The following LAMA1 variants were observed in gnomAD, a reference collection of about 807,000 sequenced individuals.
LAMA1 encodes laminin subunit alpha 1, also known as laminin subunit alpha-1.
Under a neutral mutation model 348.7 loss-of-function variants are expected in LAMA1, and 219 were observed. That is an observed-to-expected ratio of 0.63 (90% CI 0.56 to 0.70). LAMA1 has a LOEUF of 0.70. Ranked by LOEUF, LAMA1 falls within the 30% of genes least tolerant of loss-of-function variation. The probability of loss-of-function intolerance (pLI) is 0.00; values close to 1 mark genes in which losing one functional copy is unlikely to be tolerated. For missense variants in LAMA1, 3,744 were observed against 3,888.0 expected, an observed-to-expected ratio of 0.96 and a Z score of 0.99; for synonymous variants, 1,487 against 1,491.0, an observed-to-expected ratio of 1.00 and a Z score of 0.06.
intron 9 of LAMA1, among the ~76,000 whole-genome samples, chr18:7,041,064 T>C (rs1436695592): frequency 6.6e-6 from 1 of 152,286 alleles, no homozygotes; most frequent in Non-Finnish European, 1.5e-5. Context: ...GACTCTTAGA[T>C]TGTGGTGATG....
chr18:7,104,160 G>GT (rs2058302604), intron 1 of LAMA1, among the ~76,000 whole-genome samples: 1 of 151,942 alleles, frequency 6.6e-6, no homozygotes, highest in African/African-American at 2.4e-5. Context: ...TGTAATTTTA[G>GT]TAGAGACAGG....
intron 57 of LAMA1, chr18:6,953,732 T>C (rs949765885): frequency 6.6e-6 from 1 of 152,214 alleles, no homozygotes; most frequent in Non-Finnish European, 1.5e-5. Flanking sequence ...AATTAGGGCA[T>C]CTGTGTAAAA....
At chr18:7,039,928 C>A in intron 10 of LAMA1, 148 bp downstream of exon 10, 2 of 856,764 alleles carry the variant, frequency 2.3e-6, no homozygotes, top group South Asian at 1.5e-5. Flanking sequence ...ACAGCCAACT[C>A]GGTGTGGCTT....
At chr18:7,041,485 T>C (rs2058020421) in intron 9 of LAMA1, among the ~76,000 whole-genome samples, 1 of 152,204 alleles carries the variant, frequency 6.6e-6, no homozygotes, top group South Asian at 2.1e-4. Context: ...CCATCCCTAC[T>C]GGTCGATATC....
intron 17 of LAMA1, 59 bp downstream of exon 17, chr18:7,025,920 C>T (rs1261838532): frequency 6.4e-7 from 1 of 1,567,906 alleles, no homozygotes; most frequent in Non-Finnish European, 8.7e-7. Flanking sequence ...CATTAGTACG[C>T]ATCTGGGTGG....
At position 7,032,994 on chromosome 18, in the gene LAMA1, G is replaced by T; in HGVS notation, c.2153C>A (p.Thr718Asn). Residue 718 changes from threonine to asparagine, a missense_variant, in exon 15 of 63, where the codon ACC becomes AAC. Transcript: ENST00000389658. Reference sequence around the variant, plus strand: ...AGAGAGAAGCGTCACCTCACAGGAGGTCCCTGTGTAGCCTTGCGGACATTC... The same window carrying T: ...AGAGAGAAGCGTCACCTCACAGGAGTTCCCTGTGTAGCCTTGCGGACATTC... ...HCECPQGYTGTSCESCLSGYY... is the reference protein window; with the variant it reads ...HCECPQGYTGNSCESCLSGYY... 6.2e-7 allele frequency: 1 copy of T among 1,606,708 alleles called. No individual in the cohort carries two copies. Among genetic ancestry groups the T allele is most frequent in the Non-Finnish European group, 8.5e-7 (1 of 1,175,500 alleles).
chr18:7,103,297 C>T (rs1289452831), intron 1 of LAMA1, among the ~76,000 whole-genome samples: 2 of 150,874 alleles, frequency 1.3e-5, no homozygotes, highest in African/African-American at 2.4e-5. Flanking sequence ...CCCAGCTACT[C>T]GGGAGGCTGA....
At chr18:7,055,511 G>C (rs1415309715) in intron 3 of LAMA1, among the ~76,000 whole-genome samples, 1 of 150,024 alleles carries the variant, frequency 6.7e-6, no homozygotes, top group Non-Finnish European at 1.5e-5. Flanking sequence ...ACATATATGT[G>C]TATGTCTTGG....
At chr18:7,030,830 C>CCCCCA (rs1301543155) in intron 16 of LAMA1, among the ~76,000 whole-genome samples, 2 of 149,902 alleles carry the variant, frequency 1.3e-5, no homozygotes, top group Admixed American at 6.7e-5. Context: ...CCTGCTGTAC[C>CCCCCA]CCCCACCCCA....
intron 18 of LAMA1, 24 bp from the exon 19 acceptor site, chr18:7,023,399 A>G (rs2057927521): frequency 6.2e-7 from 1 of 1,600,304 alleles, no homozygotes; most frequent in Non-Finnish European, 8.6e-7. Flanking sequence ...TGAAAGTGGG[A>G]TCAGACAAAT....
chr18:7,042,151 G>T lies in LAMA1; in HGVS notation c.1255C>A (p.His419Asn), dbSNP rs764020740. Reference sequence around the variant, plus strand: ...AAGTGAATCAAGTACTTACCATTGTGTAAGTCAGAATGGAGGTCATCCTTA... The same window carrying T: ...AAGTGAATCAAGTACTTACCATTGTTTAAGTCAGAATGGAGGTCATCCTTA... ...CIKDDLHSDL[H>N]NGKQPGQCPC... Residue 419 changes from histidine (H) to asparagine (N), a missense_variant, in exon 9 of 63, where the codon CAC (histidine) becomes AAC (asparagine). Around this residue, in one of 3 missense-constraint regions of LAMA1, gnomAD observed 1,529 missense variants for 1,689.4 expected, o/e 0.91. Coordinates refer to ENST00000389658, the MANE Select transcript of LAMA1 (RefSeq NM_005559.4). The T allele has an allele frequency of 1.2e-6, 2 of 1,604,250 alleles. No homozygotes were observed. Among genetic ancestry groups the T allele is most frequent in the Admixed American group, 3.4e-5 (2 of 59,646 alleles).
chr18:6,962,127 T>C, intron 51 of LAMA1, 68 bp from the exon 52 acceptor site: 1 of 1,125,944 alleles, frequency 8.9e-7, no homozygotes, highest in Non-Finnish European at 1.4e-6. Flanking sequence ...AAAGAAGGAA[T>C]ACAAAGCCAC....
rs777258864 is a variant in LAMA1, at chr18:7,023,364, C to T, written c.2501G>A (p.Gly834Asp). ...AGGCACTGTTGGGTTTCCATAGTAA[C>T]CATCTGCACATCTGTATCAAAGATT... ...SGAWCERCAD[G>D]YYGNPTVPGE... The change falls in exon 19 of 63, where the codon GGT (glycine) becomes GAT (aspartate). Residue 834 changes from glycine to aspartate, a missense_variant. Transcript: ENST00000389658. The T allele has an allele frequency of 6.2e-7, 1 of 1,614,042 alleles. No individual in the cohort carries two copies. The highest frequency in any genetic ancestry group is 8.5e-7 in the Non-Finnish European group (1 of 1,179,902).
At chr18:7,008,747 A>G (rs929149184) in intron 27 of LAMA1, 139 bp from the exon 28 acceptor site, 17 of 973,618 alleles carry the variant, frequency 1.7e-5, no homozygotes, top group Non-Finnish European at 2.7e-5. Flanking sequence ...TTGTGATTGT[A>G]AGTGAAGTGT....
At position 6,949,138 on chromosome 18, in the gene LAMA1, C is replaced by T; in HGVS notation, c.8519G>A (p.Gly2840Asp). 1 of 1,614,172 alleles carries T rather than the reference C, an allele frequency of 6.2e-7. No homozygotes were observed. The highest frequency in any genetic ancestry group is 8.5e-7 in the Non-Finnish European group (1 of 1,180,028). ...LDVEGLFYLG[G>D]LPSQYQARKI... Reference sequence around the variant, plus strand: ...CCTGGCCTGGTACTGGGAGGGCAGGCCTCCTAGGTAGAACAAACCCTCCAC... The same window carrying T: ...CCTGGCCTGGTACTGGGAGGGCAGGTCTCCTAGGTAGAACAAACCCTCCAC... The change falls in exon 59 of 63, where the codon GGC (glycine) becomes GAC (aspartate). Residue 2840 changes from glycine (G) to aspartate (D), a missense_variant. By Grantham distance (94) the Gly-to-Asp change is moderately conservative. Around this residue, in one of 3 missense-constraint regions of LAMA1, gnomAD observed 1,983 missense variants for 1,934.3 expected, o/e 1.03. Coordinates refer to ENST00000389658, the MANE Select transcript of LAMA1 (RefSeq NM_005559.4).
At chr18:7,008,714 T>C (rs2057844942) in intron 27 of LAMA1, 106 bp from the exon 28 acceptor site, 1 of 1,373,202 alleles carries the variant, frequency 7.3e-7, no homozygotes, top group Non-Finnish European at 1.0e-6. Context: ...AGAGCTTTCT[T>C]CCCTGTTTGG....
intron 43 of LAMA1, 99 bp from the exon 44 acceptor site, chr18:6,977,980 C>T: frequency 7.3e-7 from 1 of 1,366,074 alleles, no homozygotes; most frequent in Non-Finnish European, 1.0e-6. Flanking sequence ...TAAAACAACA[C>T]CCTAACAATC....
intron 34 of LAMA1, 27 bp from the exon 35 acceptor site, chr18:6,993,779 A>C (rs1488038711): frequency 7.4e-7 from 1 of 1,346,472 alleles, no homozygotes; most frequent in Admixed American, 1.7e-5. Context: ...GTCTCAGGTT[A>C]GTTTGACTTT....
chr18:6,949,355 A>G (rs953218248), intron 58 of LAMA1, 96 bp from the exon 59 acceptor site: 4 of 1,210,316 alleles, frequency 3.3e-6, no homozygotes, highest in Non-Finnish European at 4.8e-6. Context: ...TGTTTCTGAG[A>G]GCTATAACAA....
Sources: allele counts gnomAD v4.1 joint callset (sites outside exome capture counted in the v4.1 genomes callset), GRCh38; gene constraint gnomAD v4.1.1; regional missense constraint gnomAD v4.1.1; transcripts MANE v1.5; gene names NCBI Gene and HGNC (gene_info 2026-07-23, HGNC 2026-07-21).